The following TBC1D32 variants were observed in gnomAD, a reference collection of about 807,000 sequenced individuals.
TBC1D32 encodes the protein protein broad-minded.
Under a neutral mutation model 170.3 loss-of-function variants are expected in TBC1D32, and 151 were observed. The ratio of observed to expected loss-of-function variants is 0.89; its 90% CI spans 0.78 to 1.01. The LOEUF (loss-of-function observed/expected upper bound fraction) is 1.01. Among genes scored for constraint, TBC1D32 ranks in the 50% least tolerant of loss-of-function variants. TBC1D32 has a pLI of 0.00. For missense variants in TBC1D32, 1,464 were observed against 1,457.1 expected (o/e 1.00, Z -0.08); for synonymous variants, 498 against 488.0 (o/e 1.02, Z -0.27).
At chr6:121,328,613 C>T (rs531537376) in intron 1 of TBC1D32, among the ~76,000 whole-genome samples, 5 of 152,162 alleles carry the variant, frequency 3.3e-5, no homozygotes, top group African/African-American at 1.2e-4. Context: ...GTCTGTACAA[C>T]GAATAAACAA....
intron 24 of TBC1D32, among the ~76,000 whole-genome samples, chr6:121,151,079 C>A (rs1013997805): frequency 3.9e-5 from 6 of 152,204 alleles, no homozygotes; most frequent in Middle Eastern, 3.4e-3. Context: ...TTCTCTAGTT[C>A]TTTTAATTGT....
intron 24 of TBC1D32, among the ~76,000 whole-genome samples, chr6:121,149,342 T>C (rs928647524): frequency 1.3e-5 from 2 of 152,216 alleles, no homozygotes; most frequent in African/African-American, 4.8e-5. Context: ...CATGTCTATG[T>C]CCTGAATGGT....
chr6:121,241,623 G>T, intron 18 of TBC1D32, 71 bp from the exon 19 acceptor site: 1 of 1,277,154 alleles, frequency 7.8e-7, no homozygotes, highest in Non-Finnish European at 1.1e-6. Context: ...ATTCCTTCAA[G>T]ATGGTAAGAA....
rs369663573 is a variant in TBC1D32 at position 121,299,622 on chromosome 6, T to C, written c.1081-117A>G. The C allele has an allele frequency of 2.7e-5, 27 of 987,686 alleles. No homozygotes were observed. The East Asian group carries it at 4.4e-4, about 16-fold the overall frequency. The allele number at this position is 987,686 out of a possible 1,614,324, so 61.2% of individuals were successfully genotyped here. A position where few individuals can be genotyped will look rare whatever the true frequency, so the allele number is the denominator to read the frequency against. The stretch of plus-strand genomic sequence containing the variant: ...CACACAATAGCTTAGGTTTAAACCC[T>C]TATAGTCAATGACAGACAGGTGTTT... On this transcript the variant is annotated intron_variant, in intron 9 of 31. Transcript: ENST00000398212.
At chr6:121,310,204 A>G (rs960718789) in intron 4 of TBC1D32, among the ~76,000 whole-genome samples, 1 of 152,128 alleles carries the variant, frequency 6.6e-6, no homozygotes, top group Non-Finnish European at 1.5e-5. Context: ...GACTATGTTA[A>G]TAACAATGTT....
intron 22 of TBC1D32, among the ~76,000 whole-genome samples, chr6:121,174,400 T>C (rs1650118908): frequency 6.6e-6 from 1 of 152,134 alleles, no homozygotes; most frequent in Admixed American, 6.6e-5. Context: ...CTGTACAATA[T>C]GTCCCAGAGT....
At chr6:121,143,855 A>C (rs564898373) in intron 24 of TBC1D32, among the ~76,000 whole-genome samples, 1 of 151,912 alleles carries the variant, frequency 6.6e-6, no homozygotes, top group Non-Finnish European at 1.5e-5. Context: ...GCATCACTCT[A>C]CTCTCTTAGG....
In TBC1D32 at chr6:121,091,045, T is replaced by TAAA. The variant is rs397887772; in HGVS notation, c.3466-7_3466-5dup. 4 of 1,304,420 alleles carry TAAA rather than the reference T, an allele frequency of 3.1e-6. No individual in the cohort carries two copies. The highest frequency in any genetic ancestry group is 4.1e-6 in the Non-Finnish European group (4 of 964,806). 80.8% of individuals were successfully genotyped at this position (1,304,420 alleles called of 1,614,324 possible). Reference sequence around the variant, plus strand: ...GGGTTATCCATTGCAGGCAAATCTTTAAAAAAAAAAAGTAGTAAGTTCATT... The same window carrying TAAA: ...GGGTTATCCATTGCAGGCAAATCTTTAAAAAAAAAAAAAAGTAGTAAGTTCATT... On this transcript the variant is annotated splice_polypyrimidine_tract_variant and splice_region_variant and intron_variant, in intron 30 of 31. Transcript: ENST00000398212.
At chr6:121,328,354 C>G (rs1303714445) in intron 1 of TBC1D32, among the ~76,000 whole-genome samples, 1 of 151,948 alleles carries the variant, frequency 6.6e-6, no homozygotes, top group Non-Finnish European at 1.5e-5. Context: ...GACGCGATCT[C>G]GGCTCTCTGC....
intron 1 of TBC1D32, among the ~76,000 whole-genome samples, chr6:121,329,861 C>T (rs944631894): frequency 2.0e-5 from 3 of 151,790 alleles, no homozygotes; most frequent in African/African-American, 4.8e-5. Context: ...CATTAGTATA[C>T]ATAAGGCCAT....
chr6:121,161,102 T>C (rs753797560), intron 22 of TBC1D32, 46 bp from the exon 23 acceptor site: 26 of 1,391,408 alleles, frequency 1.9e-5, no homozygotes, highest in Non-Finnish European at 2.4e-5. Flanking sequence ...TGATTGAATA[T>C]GTGTTAATTT....
intron 22 of TBC1D32, among the ~76,000 whole-genome samples, chr6:121,196,144 G>C (rs1277861290): frequency 6.6e-6 from 1 of 152,186 alleles, no homozygotes; most frequent in Non-Finnish European, 1.5e-5. Context: ...AAGTGGATAG[G>C]ATGACCCGTT....
intron 30 of TBC1D32, among the ~76,000 whole-genome samples, chr6:121,092,293 GTTTTTTTTTTTTTTTT>G (rs1160372863): frequency 6.0e-5 from 3 of 50,388 alleles, no homozygotes; most frequent in African/African-American, 1.1e-4. Context: ...TCAGTTTTAT[GTTTTTTTTTTTTTTTT>G]TTTTTTTTTT....
intron 29 of TBC1D32, among the ~76,000 whole-genome samples, chr6:121,108,620 T>C (rs1778921501): frequency 6.6e-6 from 1 of 152,078 alleles, no homozygotes; most frequent in Non-Finnish European, 1.5e-5. Context: ...TTCAGAATAC[T>C]GTATATTACT....
intron 23 of TBC1D32, 107 bp downstream of exon 23, chr6:121,160,841 G>A (rs1204081037): frequency 1.6e-5 from 13 of 793,034 alleles, no homozygotes; most frequent in Non-Finnish European, 2.4e-5. Context: ...GTTCAACTCT[G>A]TGATGTAGAC....
At chr6:121,211,929 A>G (rs945584179) in intron 21 of TBC1D32, among the ~76,000 whole-genome samples, 1 of 151,992 alleles carries the variant, frequency 6.6e-6, no homozygotes, top group African/African-American at 2.4e-5. Flanking sequence ...CCTCGACCAC[A>G]GTGCCGAGCA....
intron 30 of TBC1D32, among the ~76,000 whole-genome samples, chr6:121,102,731 T>G (rs1778256424): frequency 6.6e-6 from 1 of 151,940 alleles, no homozygotes; most frequent in Admixed American, 6.6e-5. Flanking sequence ...AAGCCAAAAT[T>G]GACAAATGGG....
chr6:121,303,604 T>C lies in TBC1D32; in HGVS notation c.1080+13A>G, dbSNP rs1806813897. Reference sequence around the variant, plus strand: ...TGCACTAAAAGGTATAAAAATATTCTATTTTTCCTTACCATCCACTTTTTG... The same window carrying C: ...TGCACTAAAAGGTATAAAAATATTCCATTTTTCCTTACCATCCACTTTTTG... On this transcript the variant is annotated intron_variant, in intron 9 of 31. Coordinates refer to ENST00000398212, the MANE Select transcript of TBC1D32 (RefSeq NM_152730.6). 1.3e-6 allele frequency: 2 copies of C among 1,525,280 alleles called. No individual in the cohort carries two copies. The highest frequency in any genetic ancestry group is 1.4e-5 in the African/African-American group (1 of 72,848). 94.5% of individuals were successfully genotyped at this position (1,525,280 alleles called of 1,614,324 possible). A position where few individuals can be genotyped will look rare whatever the true frequency, so the allele number is the denominator to read the frequency against.
chr6:121,136,683 T>C (rs1382787501), intron 24 of TBC1D32, among the ~76,000 whole-genome samples: 1 of 152,188 alleles, frequency 6.6e-6, no homozygotes, highest in Non-Finnish European at 1.5e-5. Flanking sequence ...AGGGAATTAA[T>C]GTGAGATCAT....
Sources: gnomAD v4.1 joint callset for allele counts (sites outside exome capture counted in the v4.1 genomes callset) on GRCh38, gnomAD v4.1.1 for gene constraint, MANE v1.5 for transcripts, NCBI Gene and HGNC (gene_info 2026-07-23, HGNC 2026-07-21) for gene names.